The following MUCL1 variants were observed in gnomAD, a reference collection of about 807,000 sequenced individuals.
MUCL1 encodes the protein mucin-like protein 1.
In MUCL1, 11 loss-of-function variants were observed where a neutral mutation model predicts 9.2. That is an observed-to-expected ratio of 1.19 (90% CI 0.75 to 1.97). The LOEUF is 1.97. Ranked by LOEUF, MUCL1 falls within the 30% of genes most tolerant of loss-of-function variation. The pLI is 0.00. For synonymous variants in MUCL1, 48 were observed against 40.5 expected (o/e 1.19, Z -0.71); for missense variants, 144 against 110.9 (o/e 1.30, Z -1.34).
At position 54,856,776 on chromosome 12, in the gene MUCL1, CTGCTGATGATGAAGCCCCTGA is replaced by C; in HGVS notation, c.114_134del (p.Asp38_Ala44del). 6.2e-7 allele frequency: 1 copy of C among 1,611,636 alleles called. No individual in the cohort carries two copies. The highest frequency in any genetic ancestry group is 8.5e-7 in the Non-Finnish European group (1 of 1,178,866). ...CTTTTCCTTCTAATTTCAGCTGGTC[CTGCTGATGATGAAGCCCCTGA>C]TGCTGAAACCACTGCTGCTGCAACC... On this transcript the variant is annotated inframe_deletion, in exon 3 of 4. Coordinates refer to ENST00000308796, the MANE Select transcript of MUCL1 (RefSeq NM_058173.3).
chr12:54,832,663 C>A (rs67349809), intron 1 of MUCL1, among the ~76,000 whole-genome samples: 1 of 151,952 alleles, frequency 6.6e-6, no homozygotes, highest in Non-Finnish European at 1.5e-5. Context: ...GTCTTTTTGA[C>A]CTAAAACTGA....
intron 3 of MUCL1, among the ~76,000 whole-genome samples, 162 bp from the exon 4 acceptor site, chr12:54,858,031 A>T (rs1868313768): frequency 6.6e-6 from 1 of 152,148 alleles, no homozygotes; most frequent in African/African-American, 2.4e-5. Context: ...TAAGGACAGA[A>T]ATTGGTTGTT....
At chr12:54,837,764 G>A (rs184425391), upstream of MUCL1, among the ~76,000 whole-genome samples, 53 of 152,032 alleles carry the variant, frequency 3.5e-4, no homozygotes, top group East Asian at 3.9e-3. Context: ...GTGAGACTCC[G>A]TCTCCAAAAA....
At chr12:54,852,579 T>G (rs57492046), upstream of MUCL1, among the ~76,000 whole-genome samples, 276 of 152,336 alleles carry the variant, frequency 1.8e-3, 1 homozygote, top group African/African-American at 6.4e-3. Context: ...TAATCCACTG[T>G]GCAGTTTTGA....
intron 1 of MUCL1, among the ~76,000 whole-genome samples, chr12:54,845,949 A>C (rs1196503977): frequency 6.6e-6 from 1 of 152,182 alleles, no homozygotes; most frequent in Non-Finnish European, 1.5e-5. Context: ...GTTCAAGATC[A>C]TATACTGCAT....
intron 2 of MUCL1, chr12:54,855,449 G>A (rs1235873717): frequency 3.1e-6 from 1 of 327,074 alleles, no homozygotes; most frequent in Non-Finnish European, 5.8e-6. Flanking sequence ...TGATGTTGTA[G>A]CCTGAGAATT....
chr12:54,855,174 A>C lies in MUCL1; in HGVS notation c.100+17A>C. The C allele has an allele frequency of 6.2e-7, 1 of 1,611,634 alleles. No homozygotes were observed. The highest frequency in any genetic ancestry group is 1.1e-5 in the South Asian group (1 of 91,004). ...ATCCAGCTAGTGAGTCTGCACTTGA[A>C]TGTCATCTCTTTCCAGCAATAACCA... On this transcript the variant is annotated intron_variant, in intron 2 of 3. Transcript: ENST00000308796.
upstream of MUCL1, among the ~76,000 whole-genome samples, chr12:54,837,604 A>G (rs998415429): frequency 6.6e-6 from 1 of 151,950 alleles, no homozygotes; most frequent in African/African-American, 2.4e-5. Flanking sequence ...TCTCTACTAA[A>G]AAAAAATACA....
chr12:54,846,006 T>G (rs550648049), intron 1 of MUCL1, among the ~76,000 whole-genome samples: 12 of 152,296 alleles, frequency 7.9e-5, no homozygotes, highest in South Asian at 4.1e-4. Context: ...AAAAAAAACT[T>G]GTAGCTTTTT....
intron 2 of MUCL1, among the ~76,000 whole-genome samples, chr12:54,855,743 T>C (rs1868293819): frequency 6.6e-6 from 1 of 152,244 alleles, no homozygotes; most frequent in Non-Finnish European, 1.5e-5. Context: ...CAAAGTGTTC[T>C]TCACATTCTG....
chr12:54,846,099 C>T (rs992441359), intron 1 of MUCL1, among the ~76,000 whole-genome samples: 2 of 152,146 alleles, frequency 1.3e-5, no homozygotes, highest in Non-Finnish European at 2.9e-5. Flanking sequence ...CCAGTTTTTC[C>T]GGTACACTGG....
At chr12:54,831,936 C>T (rs1375620250) in intron 1 of MUCL1, among the ~76,000 whole-genome samples, 1 of 151,996 alleles carries the variant, frequency 6.6e-6, no homozygotes, top group East Asian at 1.9e-4. Flanking sequence ...TTAAACATTA[C>T]AATTAATATG....
rs1868285463 is a variant in MUCL1 at position 54,854,617 on chromosome 12, T to C, written c.35T>C (p.Val12Ala). 1.2e-6 allele frequency: 2 copies of C among 1,613,354 alleles called. No homozygotes were observed. The highest frequency in any genetic ancestry group is 1.7e-5 in the Admixed American group (1 of 59,906). ...TTAGCAGTCCTGGTACTCTTGGGAG[T>C]TTCCATCTTTCTGGTCTCTGCCCGT... ...KFLAVLVLLG[V>A]SIFLVSAQNP... The change falls in exon 1 of 4, where the codon GTT (valine) becomes GCT (alanine). Residue 12 changes from valine to alanine, a missense_variant. Val to Ala is a moderately conservative substitution (Grantham distance 64). Coordinates refer to ENST00000308796, the MANE Select transcript of MUCL1 (RefSeq NM_058173.3).
At chr12:54,832,385 C>T (rs1959186635) in intron 1 of MUCL1, among the ~76,000 whole-genome samples, 1 of 152,002 alleles carries the variant, frequency 6.6e-6, no homozygotes, top group Non-Finnish European at 1.5e-5. Context: ...GCCTGGGAAA[C>T]CAATGTTTTG....
intron 1 of MUCL1, among the ~76,000 whole-genome samples, chr12:54,843,738 G>A (rs981443676): frequency 6.6e-6 from 1 of 152,122 alleles, no homozygotes; most frequent in African/African-American, 2.4e-5. Flanking sequence ...AACTGTAGAA[G>A]GAAAGAAAAT....
At chr12:54,848,996 G>A (rs148257004) in intron 1 of MUCL1, among the ~76,000 whole-genome samples, 82 of 152,164 alleles carry the variant, frequency 5.4e-4, no homozygotes, top group Admixed American at 2.6e-3. Context: ...GAATACAAAT[G>A]ACCTGAATTC....
chr12:54,837,145 G>C (rs951496671), upstream of MUCL1, among the ~76,000 whole-genome samples: 1 of 151,880 alleles, frequency 6.6e-6, no homozygotes, highest in Non-Finnish European at 1.5e-5. Flanking sequence ...TTGACTTTCT[G>C]CCTCAATGGT....
chr12:54,851,954 G>A (rs1868249070), upstream of MUCL1, among the ~76,000 whole-genome samples: 1 of 152,196 alleles, frequency 6.6e-6, no homozygotes, highest in Non-Finnish European at 1.5e-5. Context: ...TACAAGGGAT[G>A]TGAAGGACCT....
chr12:54,852,705 C>T (rs1487385072), upstream of MUCL1, among the ~76,000 whole-genome samples: 1 of 152,104 alleles, frequency 6.6e-6, no homozygotes, highest in East Asian at 1.9e-4. Context: ...ACAGTGGGCT[C>T]TCAATAAGTA....
Sources: gnomAD v4.1 joint callset for allele counts (sites outside exome capture counted in the v4.1 genomes callset) on GRCh38, gnomAD v4.1.1 for gene constraint, MANE v1.5 for transcripts, NCBI Gene and HGNC (gene_info 2026-07-23, HGNC 2026-07-21) for gene names.